Variants in NTSR1 observed in about 807,000 individuals in gnomAD.
NTSR1 encodes the protein neurotensin receptor 1, also known as neurotensin receptor type 1.
Under a neutral mutation model 31.2 loss-of-function variants are expected in NTSR1, and 29 were observed. The observed-to-expected ratio is 0.93, with a 90% CI of 0.69 to 1.27. The LOEUF (loss-of-function observed/expected upper bound fraction) is 1.27, where lower values mean the gene tolerates loss of function less well. Among genes scored for constraint, NTSR1 ranks in the 50% most tolerant of loss-of-function variants. The pLI, the probability that NTSR1 is intolerant of heterozygous loss-of-function variation, is 0.00. For synonymous variants in NTSR1, 282 were observed against 269.9 expected (o/e 1.04, Z -0.44); for missense variants, 697 against 595.4 (o/e 1.17, Z -1.78).
chr20:62,754,658 G>T (rs1041705821), intron 1 of NTSR1, 27 bp from the exon 2 acceptor site: 1 of 1,598,478 alleles, frequency 6.3e-7, no homozygotes, highest in South Asian at 1.1e-5. Context: ...TGCTGGCTCT[G>T]ACAGCCTCGC....
At chr20:62,727,530 C>T (rs1256972848) in intron 1 of NTSR1, among the ~76,000 whole-genome samples, 1 of 152,238 alleles carries the variant, frequency 6.6e-6, no homozygotes, top group Non-Finnish European at 1.5e-5. Context: ...CAGCACCGGT[C>T]TAAGGAGAGT....
At position 62,709,421 on chromosome 20, in the gene NTSR1, G is replaced by A; in HGVS notation, c.214G>A (p.Ala72Thr). The change falls in exon 1 of 4, where the codon GCG becomes ACG. Residue 72 changes from alanine to threonine, a missense_variant. Ala to Thr is a moderately conservative substitution (Grantham distance 58). Transcript: ENST00000370501. ...SKVLVTAVYL[A>T]LFVVGTVGNT... ...GGTGCTGGTGACCGCCGTGTACCTG[G>A]CGCTCTTCGTGGTGGGCACGGTGGG... is the stretch of plus-strand genomic sequence containing the variant. 6.2e-7 allele frequency: 1 copy of A among 1,611,916 alleles called. No homozygotes were observed.
At chr20:62,720,356 A>G (rs958783003) in intron 1 of NTSR1, among the ~76,000 whole-genome samples, 2 of 152,338 alleles carry the variant, frequency 1.3e-5, no homozygotes, top group South Asian at 4.1e-4. Context: ...TTTCTCCTTG[A>G]GTAAGTGTTA....
chr20:62,734,495 T>C (rs115219835), intron 1 of NTSR1, among the ~76,000 whole-genome samples: 2,000 of 152,320 alleles, frequency 0.013, 40 homozygotes, highest in African/African-American at 0.045. Context: ...GCCCACGCCC[T>C]GTGTCCGGGG....
At chr20:62,747,844 G>A (rs1989327476) in intron 1 of NTSR1, among the ~76,000 whole-genome samples, 1 of 152,152 alleles carries the variant, frequency 6.6e-6, no homozygotes, top group African/African-American at 2.4e-5. Flanking sequence ...ATGAAAATAA[G>A]TTGTGTTTCT....
chr20:62,737,855 G>A (rs1422383265), intron 1 of NTSR1, among the ~76,000 whole-genome samples: 1 of 109,440 alleles, frequency 9.1e-6, no homozygotes, highest in African/African-American at 3.6e-5. Context: ...CCTGCCCCCG[G>A]TCCTCCCCAC....
Position 62,743,704 on chromosome 20 carries a change from G to T in NTSR1, c.715-10981G>T, listed in dbSNP as rs773369872. Reference sequence around the variant, plus strand: ...CTCAGCACAGGCTGGCTGCGGAGCCGGGAAGCAGTGTGCCAGTCTGGGGCT... The same window carrying T: ...CTCAGCACAGGCTGGCTGCGGAGCCTGGAAGCAGTGTGCCAGTCTGGGGCT... On this transcript the variant is annotated intron_variant, in intron 1 of 3. Transcript: ENST00000370501. This position sits in a 1 kb window ranked among gnomAD's most constrained non-coding sequence, Gnocchi z 7.5. Among the ~76,000 whole-genome samples the T allele has an allele frequency of 6.6e-6, 1 of 152,244 alleles. No homozygotes were observed. Among genetic ancestry groups the T allele is most frequent in the Non-Finnish European group, 1.5e-5 (1 of 68,006 alleles).
chr20:62,738,615 C>G (rs1989147153), intron 1 of NTSR1, among the ~76,000 whole-genome samples: 1 of 152,256 alleles, frequency 6.6e-6, no homozygotes, highest in African/African-American at 2.4e-5. Context: ...TGGGCTCCTA[C>G]CTTGCAAGGT....
chr20:62,756,990 T>A (rs572229778), intron 2 of NTSR1, among the ~76,000 whole-genome samples: 4 of 152,380 alleles, frequency 2.6e-5, no homozygotes, highest in Admixed American at 2.0e-4. Flanking sequence ...TAACTCATTA[T>A]CAGATGTGAT....
chr20:62,719,558 T>C (rs1988797393), intron 1 of NTSR1, among the ~76,000 whole-genome samples: 1 of 102,608 alleles, frequency 9.7e-6, no homozygotes, highest in Admixed American at 1.2e-4. Context: ...AAACTGAAGC[T>C]CTGCGCCTGT....
At chr20:62,739,036 A>G (rs1457378392) in intron 1 of NTSR1, among the ~76,000 whole-genome samples, 1 of 152,160 alleles carries the variant, frequency 6.6e-6, no homozygotes, top group African/African-American at 2.4e-5. Context: ...GCCATTCATA[A>G]AACAGAAAAG....
intron 1 of NTSR1, among the ~76,000 whole-genome samples, chr20:62,729,091 A>G (rs957163648): frequency 3.3e-5 from 5 of 152,208 alleles, no homozygotes; most frequent in African/African-American, 1.2e-4. Flanking sequence ...TAAACCTGAG[A>G]CTGAAGCTGT....
In NTSR1 at chr20:62,709,929, T is replaced by C; in HGVS notation, c.714+8T>C. 1 of 1,572,710 alleles carries C rather than the reference T, an allele frequency of 6.4e-7. No homozygotes were observed. On this transcript the variant is annotated splice_region_variant and intron_variant, in intron 1 of 3. Transcript: ENST00000370501. ...GTCAAGGTCGTCATACAGGTGAGCC[T>C]CAGTAACCAGCCCCGGGGCTCCCCT...
intron 2 of NTSR1, 88 bp downstream of exon 2, chr20:62,754,974 G>T: frequency 7.6e-7 from 1 of 1,318,106 alleles, no homozygotes; most frequent in Non-Finnish European, 1.0e-6. Flanking sequence ...GCCTGGGCAA[G>T]GTTTAAAGAC....
chr20:62,747,255 G>A (rs766092841), intron 1 of NTSR1, among the ~76,000 whole-genome samples: 153 of 152,208 alleles, frequency 1.0e-3, no homozygotes, highest in Middle Eastern at 3.4e-3. Flanking sequence ...TAAAGGCCAC[G>A]TATGACAGAC....
chr20:62,715,850 G>A lies in NTSR1; in HGVS notation c.714+5929G>A, dbSNP rs1385797612. Among the ~76,000 whole-genome samples the A allele has an allele frequency of 6.6e-6, 1 of 152,190 alleles. No homozygotes were observed. Among genetic ancestry groups the A allele is most frequent in the Non-Finnish European group, 1.5e-5 (1 of 68,034 alleles). Reference sequence around the variant, plus strand: ...GGGATCTCCAGGTCTGTTCTCAGGGGCACTGGGGCTCCCAGCTGGTAACAT... The same window carrying A: ...GGGATCTCCAGGTCTGTTCTCAGGGACACTGGGGCTCCCAGCTGGTAACAT... On this transcript the variant is annotated intron_variant, in intron 1 of 3. Transcript: ENST00000370501. The surrounding 1 kb of genome is among the most constrained non-coding windows in gnomAD (Gnocchi z 4.7).
In NTSR1 at chr20:62,745,231, A is replaced by G. The variant is rs139187520; in HGVS notation, c.715-9454A>G. On this transcript the variant is annotated intron_variant, in intron 1 of 3. Coordinates refer to ENST00000370501, the MANE Select transcript of NTSR1 (RefSeq NM_002531.3). The surrounding 1 kb of genome is among the most constrained non-coding windows in gnomAD (Gnocchi z 4.1). ...CAGCAACACAAAGACAGAGAGAGAG[A>G]CACAGAGAGGAAAGCAGAGACACAG... Among the ~76,000 whole-genome samples the G allele has an allele frequency of 4.2e-3, 641 of 152,320 alleles. 1 individual carries two copies. Among genetic ancestry groups the G allele is most frequent in the Non-Finnish European group, 7.1e-3 (480 of 68,032 alleles).
chr20:62,729,384 G>C (rs761653837), intron 1 of NTSR1, among the ~76,000 whole-genome samples: 3 of 152,230 alleles, frequency 2.0e-5, no homozygotes, highest in Non-Finnish European at 4.4e-5. Context: ...TTCGTGCATG[G>C]AGCGGGGGCA....
In NTSR1 at chr20:62,752,706, G is replaced by T. The variant is rs559922295; in HGVS notation, c.715-1979G>T. 2.0e-5 allele frequency among the ~76,000 whole-genome samples: 3 copies of T among 152,308 alleles called. No homozygotes were observed. In the South Asian group the frequency reaches 6.2e-4, roughly 32 times the overall value. ...AATCTGTGTTGGATACATTGGTGCTGTTTAAACTATCCCCGGGCTGCGGTG... is the reference window on the plus strand; with the variant it reads ...AATCTGTGTTGGATACATTGGTGCTTTTTAAACTATCCCCGGGCTGCGGTG... On this transcript the variant is annotated intron_variant, in intron 1 of 3. Transcript: ENST00000370501.
Sources: allele counts gnomAD v4.1 joint callset (sites outside exome capture counted in the v4.1 genomes callset), GRCh38; gene constraint gnomAD v4.1.1; non-coding constraint Gnocchi (gnomAD v3.1); transcripts MANE v1.5; gene names NCBI Gene and HGNC (gene_info 2026-07-23, HGNC 2026-07-21).